Variants in CNOT6L observed in about 807,000 individuals in gnomAD.
The protein encoded by CNOT6L is CCR4-NOT transcription complex subunit 6-like.
A neutral mutation model predicts 64.0 loss-of-function variants in CNOT6L; 7 were observed. The observed-to-expected ratio is 0.11, with a 90% CI of 0.06 to 0.21. The LOEUF is 0.21. Among genes scored for constraint, CNOT6L ranks in the 10% least tolerant of loss-of-function variants. The pLI, the probability that CNOT6L is intolerant of heterozygous loss-of-function variation, is 1.00. For missense variants in CNOT6L, 245 were observed against 669.0 expected (o/e 0.37, Z 6.99); for synonymous variants, 193 against 243.4 (o/e 0.79, Z 1.93).
chr4:77,723,121 C>A (rs751140561), intron 11 of CNOT6L, among the ~76,000 whole-genome samples: 2 of 151,926 alleles, frequency 1.3e-5, no homozygotes, highest in Non-Finnish European at 1.5e-5. Flanking sequence ...ATGATTTGGG[C>A]ACACCCTCAG....
At chr4:77,721,853 T>G (rs920394455) in intron 11 of CNOT6L, among the ~76,000 whole-genome samples, 10 of 152,040 alleles carry the variant, frequency 6.6e-5, no homozygotes, top group African/African-American at 2.4e-4. Flanking sequence ...GCACCCATAG[T>G]CCCAGCTACT....
At position 77,799,786 on chromosome 4, in the gene CNOT6L, C is replaced by G. The variant is rs118120341; in HGVS notation, c.5+19518G>C. On this transcript the variant is annotated intron_variant, in intron 1 of 11. Coordinates refer to ENST00000504123, the MANE Select transcript of CNOT6L (RefSeq NM_144571.3). The stretch of plus-strand genomic sequence containing the variant: ...TACCTGTAAAAGGATCACATATCAT[C>G]TATTATAAGCCAAGTGTATGAGAGC... Among the ~76,000 whole-genome samples the G allele has an allele frequency of 1.2e-3, 187 of 150,990 alleles. 2 individuals carry two copies. In the East Asian group the frequency reaches 0.035, roughly 28 times the overall value.
At chr4:77,723,009 A>C (rs1721455876) in intron 11 of CNOT6L, among the ~76,000 whole-genome samples, 1 of 152,174 alleles carries the variant, frequency 6.6e-6, no homozygotes, top group South Asian at 2.1e-4. Flanking sequence ...CCACTATGCT[A>C]AGCTTTTTTA....
intron 4 of CNOT6L, among the ~76,000 whole-genome samples, chr4:77,765,014 C>T (rs982315328): frequency 1.3e-5 from 2 of 152,132 alleles, no homozygotes; most frequent in African/African-American, 2.4e-5. Flanking sequence ...TTCTAAGTCA[C>T]AGGATGAGAC....
chr4:77,763,597 T>G (rs903988435), intron 4 of CNOT6L, among the ~76,000 whole-genome samples: 1 of 151,632 alleles, frequency 6.6e-6, no homozygotes, highest in Non-Finnish European at 1.5e-5. Context: ...AAGCCAACAG[T>G]CAAAAATTTC....
chr4:77,790,545 T>C (rs1044227005), intron 1 of CNOT6L, among the ~76,000 whole-genome samples: 1 of 152,178 alleles, frequency 6.6e-6, no homozygotes, highest in Non-Finnish European at 1.5e-5. Flanking sequence ...TGAATTCCCA[T>C]TGCTCCGCAT....
At chr4:77,804,245 T>C (rs556284318) in intron 1 of CNOT6L, among the ~76,000 whole-genome samples, 2 of 152,110 alleles carry the variant, frequency 1.3e-5, no homozygotes, top group African/African-American at 4.8e-5. Context: ...CTGGCCAACA[T>C]GGTGAAACAC....
At position 77,718,749 on chromosome 4, in the gene CNOT6L, G is replaced by GAAAT. The variant is rs1303896211; in HGVS notation, c.*1678_*1681dup. On this transcript the variant is annotated 3_prime_UTR_variant, in exon 12 of 12. Coordinates refer to ENST00000504123, the MANE Select transcript of CNOT6L (RefSeq NM_144571.3). ...ATAGCCTGATTAATTTACTATGGAA[G>GAAAT]AAATTAGCATAAAATGACCAAAGTA... 2 of 152,522 alleles carry GAAAT rather than the reference G, an allele frequency of 1.3e-5. No homozygotes were observed. The highest frequency in any genetic ancestry group is 2.9e-5 in the Non-Finnish European group (2 of 68,018). The allele number at this position is 152,522 out of a possible 1,614,324, so 9.4% of individuals were successfully genotyped here.
rs139572156 is a variant in CNOT6L at position 77,812,776 on chromosome 4, C to G, written c.5+6528G>C. 4.6e-3 allele frequency among the ~76,000 whole-genome samples: 706 copies of G among 152,214 alleles called. 8 individuals carry two copies. The highest frequency in any genetic ancestry group is 0.016 in the African/African-American group (681 of 41,556). ...AATTGATGTACAGATTTAACACAAT[C>G]CCCATCAAAATTCCAGCTGACTTCT... On this transcript the variant is annotated intron_variant, in intron 1 of 11. Coordinates refer to ENST00000504123, the MANE Select transcript of CNOT6L (RefSeq NM_144571.3).
chr4:77,764,976 C>G (rs1231498748), intron 4 of CNOT6L, among the ~76,000 whole-genome samples: 1 of 152,152 alleles, frequency 6.6e-6, no homozygotes, highest in Middle Eastern at 3.2e-3. Flanking sequence ...CTGAGACCTA[C>G]TGGGCTGCAT....
intron 1 of CNOT6L, among the ~76,000 whole-genome samples, chr4:77,794,141 ACT>A (rs1730501487): frequency 1.1e-5 from 1 of 89,726 alleles, no homozygotes; most frequent in Non-Finnish European, 2.0e-5. Flanking sequence ...ACAGAGTAAG[ACT>A]CTGTCTCAAA....
intron 1 of CNOT6L, among the ~76,000 whole-genome samples, chr4:77,805,468 T>C (rs549158115): frequency 1.3e-5 from 2 of 152,226 alleles, no homozygotes; most frequent in South Asian, 4.1e-4. Context: ...TCTCTAAAAT[T>C]TTCACACAAA....
intron 1 of CNOT6L, among the ~76,000 whole-genome samples, chr4:77,788,302 C>T (rs992547719): frequency 6.6e-6 from 1 of 152,128 alleles, no homozygotes; most frequent in Non-Finnish European, 1.5e-5. Flanking sequence ...ACCTCCTGTA[C>T]ATTATACAAG....
At chr4:77,760,107 T>A (rs1726029781) in intron 4 of CNOT6L, among the ~76,000 whole-genome samples, 1 of 152,084 alleles carries the variant, frequency 6.6e-6, no homozygotes, top group Non-Finnish European at 1.5e-5. Flanking sequence ...GCATGGTGGT[T>A]CACACCTGTA....
chr4:77,743,804 G>A (rs968576401), intron 7 of CNOT6L, among the ~76,000 whole-genome samples: 4 of 151,762 alleles, frequency 2.6e-5, no homozygotes, highest in African/African-American at 4.8e-5. Flanking sequence ...GTTTCACCAC[G>A]CTGGCCAGGC....
At chr4:77,782,801 C>T (rs1382547597) in intron 1 of CNOT6L, among the ~76,000 whole-genome samples, 1 of 152,082 alleles carries the variant, frequency 6.6e-6, no homozygotes, top group Non-Finnish European at 1.5e-5. Flanking sequence ...TTTAACTATA[C>T]ACAACTATTA....
Position 77,760,968 on chromosome 4 carries a change from G to A in CNOT6L, c.401-4017C>T, listed in dbSNP as rs112348917. Reference sequence around the variant, plus strand: ...CCTGACCTCGTCATCTGCCCACCTCGGCCTCCCAAAGTGCTGGGATTACAG... The same window carrying A: ...CCTGACCTCGTCATCTGCCCACCTCAGCCTCCCAAAGTGCTGGGATTACAG... On this transcript the variant is annotated intron_variant, in intron 4 of 11. Transcript: ENST00000504123. Among the ~76,000 whole-genome samples the A allele has an allele frequency of 1.6e-3, 227 of 140,784 alleles. 2 individuals carry two copies. The highest frequency in any genetic ancestry group is 5.3e-3 in the African/African-American group (202 of 37,878). 92.4% of individuals were successfully genotyped at this position (140,784 alleles called of 152,430 possible).
chr4:77,789,014 C>A lies in CNOT6L; in HGVS notation c.6-12622G>T, dbSNP rs537038370. ...TTTAAATTTTCCACCAACTCCCCTT[C>A]CACACATCACTAGTATTTCACTACA... On this transcript the variant is annotated intron_variant, in intron 1 of 11. Transcript: ENST00000504123. 1.1e-4 allele frequency among the ~76,000 whole-genome samples: 16 copies of A among 152,242 alleles called. No individual in the cohort carries two copies. In the South Asian group the frequency reaches 3.3e-3, roughly 32 times the overall value.
intron 1 of CNOT6L, among the ~76,000 whole-genome samples, chr4:77,788,403 C>A (rs951179474): frequency 2.0e-5 from 3 of 152,106 alleles, no homozygotes; most frequent in Non-Finnish European, 4.4e-5. Context: ...TTACATAATA[C>A]CTTTTTAAAT....
Sources: gnomAD v4.1 joint callset for allele counts (sites outside exome capture counted in the v4.1 genomes callset) on GRCh38, gnomAD v4.1.1 for gene constraint, MANE v1.5 for transcripts, NCBI Gene and HGNC (gene_info 2026-07-23, HGNC 2026-07-21) for gene names.